The following DTWD2 variants were observed in gnomAD, a reference collection of about 807,000 sequenced individuals.
DTWD2 encodes the protein tRNA-uridine aminocarboxypropyltransferase 2.
In DTWD2, 39 loss-of-function variants were observed where a neutral mutation model predicts 31.8. The observed-to-expected ratio is 1.22, with a 90% confidence interval of 0.95 to 1.60. The LOEUF is 1.60. DTWD2 is among the 40% of genes most tolerant of loss of function. The pLI is 0.00. For synonymous variants in DTWD2, 180 were observed against 142.8 expected, an observed-to-expected ratio of 1.26 and a Z score of -1.86; for missense variants, 515 against 381.5, an observed-to-expected ratio of 1.35 and a Z score of -2.92.
intron 4 of DTWD2, among the ~76,000 whole-genome samples, chr5:118,925,616 C>T (rs970422444): frequency 4.0e-5 from 6 of 151,598 alleles, no homozygotes; most frequent in East Asian, 2.0e-4. Flanking sequence ...GAGGCCGAGG[C>T]GGGTGGATCA....
Position 118,859,275 on chromosome 5 carries a change from A to T in DTWD2, c.598-11057T>A, listed in dbSNP as rs115641107. Among the ~76,000 whole-genome samples, 975 of 152,258 alleles carry T rather than the reference A, an allele frequency of 6.4e-3. 19 individuals carry two copies. The highest frequency in any genetic ancestry group is 0.022 in the African/African-American group (925 of 41,566). On this transcript the variant is annotated intron_variant, in intron 4 of 5. Transcript: ENST00000510708. ...ACAGTTTCTGTAGAAAAGGCAGGAT[A>T]AATAAAGAGAAAGAATCACATATTC...
intron 1 of DTWD2, among the ~76,000 whole-genome samples, chr5:118,951,025 G>A (rs1031829495): frequency 3.3e-5 from 5 of 152,080 alleles, no homozygotes; most frequent in African/African-American, 7.2e-5. Context: ...AACAAGCCAC[G>A]GACTGGGCTG....
At chr5:118,884,651 C>T (rs1266820211) in intron 4 of DTWD2, among the ~76,000 whole-genome samples, 2 of 152,120 alleles carry the variant, frequency 1.3e-5, no homozygotes, top group African/African-American at 2.4e-5. Flanking sequence ...ATTATTTCTT[C>T]AAATATCCTC....
At chr5:118,961,089 G>A (rs200933991) in intron 1 of DTWD2, among the ~76,000 whole-genome samples, 1 of 137,258 alleles carries the variant, frequency 7.3e-6, no homozygotes, top group East Asian at 2.3e-4. Context: ...AAAAAAAAAA[G>A]TTTTAGTGAG....
intron 1 of DTWD2, among the ~76,000 whole-genome samples, chr5:118,976,229 G>A (rs1441803679): frequency 1.3e-5 from 2 of 152,176 alleles, no homozygotes; most frequent in African/African-American, 4.8e-5. Context: ...ATGCCCACAG[G>A]AGAAAGTGGG....
intron 4 of DTWD2, among the ~76,000 whole-genome samples, chr5:118,907,624 G>C (rs563017963): frequency 1.3e-4 from 20 of 152,154 alleles, no homozygotes; most frequent in African/African-American, 4.6e-4. Context: ...CCAGCTACTC[G>C]GGAGGCTAAG....
At chr5:118,904,024 G>A (rs1753272372) in intron 4 of DTWD2, among the ~76,000 whole-genome samples, 2 of 151,960 alleles carry the variant, frequency 1.3e-5, no homozygotes, top group South Asian at 4.1e-4. Context: ...TATAGTGTCT[G>A]TACTAAATTT....
rs1444284357 is a variant in DTWD2 at position 118,974,532 on chromosome 5, C to A, written c.218+13762G>T. On this transcript the variant is annotated intron_variant, in intron 1 of 5. Transcript: ENST00000510708. ...GTGGTGTGACCATGTTCATTATAAT[C>A]TCAAAGGAGAAAAAAAACCTTGTAA... The A allele has an allele frequency of 6.4e-6, 3 of 468,588 alleles. No individual in the cohort carries two copies. In the Admixed American group the frequency reaches 8.3e-5, roughly 13 times the overall value. 29.0% of individuals were successfully genotyped at this position (468,588 alleles called of 1,614,324 possible).
At chr5:118,848,490 AG>A (rs1401720769) in intron 4 of DTWD2, among the ~76,000 whole-genome samples, 1 of 152,216 alleles carries the variant, frequency 6.6e-6, no homozygotes, top group Non-Finnish European at 1.5e-5. Context: ...ACTTCACAAA[AG>A]AAGTTATAAG....
At chr5:118,965,055 C>T (rs1344459560) in intron 1 of DTWD2, among the ~76,000 whole-genome samples, 1 of 151,762 alleles carries the variant, frequency 6.6e-6, no homozygotes, top group African/African-American at 2.4e-5. Flanking sequence ...CCCCGCCGCC[C>T]CGTCTGGGAT....
rs908199220 is a variant in DTWD2 at position 118,836,348 on chromosome 5, T to C, written c.*4569A>G. ...TCTGCCTCCCAGGTTCAAGCAATTCTCTGCCTCAGCCTCCTGAGTAGCTGG... is the reference window on the plus strand; with the variant it reads ...TCTGCCTCCCAGGTTCAAGCAATTCCCTGCCTCAGCCTCCTGAGTAGCTGG... On this transcript the variant is annotated 3_prime_UTR_variant, in exon 6 of 6. Transcript: ENST00000510708. Among the ~76,000 whole-genome samples, 46 of 152,146 alleles carry C rather than the reference T, an allele frequency of 3.0e-4. No homozygotes were observed. Among genetic ancestry groups the C allele is most frequent in the African/African-American group, 9.9e-4 (41 of 41,526 alleles).
intron 4 of DTWD2, among the ~76,000 whole-genome samples, chr5:118,911,162 C>T (rs902636967): frequency 2.6e-5 from 4 of 152,184 alleles, no homozygotes; most frequent in African/African-American, 4.8e-5. Flanking sequence ...ATGACCTAAA[C>T]AGACATTTCT....
At chr5:118,862,512 G>A (rs1044880104) in intron 4 of DTWD2, among the ~76,000 whole-genome samples, 1 of 152,044 alleles carries the variant, frequency 6.6e-6, no homozygotes, top group African/African-American at 2.4e-5. Flanking sequence ...GGTCTTTAGT[G>A]TGATTTAAAA....
At chr5:118,912,022 C>G (rs1238321153) in intron 4 of DTWD2, among the ~76,000 whole-genome samples, 2 of 152,206 alleles carry the variant, frequency 1.3e-5, no homozygotes, top group Non-Finnish European at 2.9e-5. Context: ...TCACACCAAG[C>G]CATCTTCAGC....
At chr5:118,936,654 TA>T (rs895985508) in intron 3 of DTWD2, among the ~76,000 whole-genome samples, 46 of 152,066 alleles carry the variant, frequency 3.0e-4, no homozygotes, top group African/African-American at 1.1e-3. Context: ...ATTTTTTTTT[TA>T]AATTTATGCT....
chr5:118,848,387 T>C (rs1751911337), intron 4 of DTWD2, among the ~76,000 whole-genome samples, 169 bp from the exon 5 acceptor site: 1 of 152,144 alleles, frequency 6.6e-6, no homozygotes, highest in South Asian at 2.1e-4. Flanking sequence ...TGTTAAATAG[T>C]AGAAGATAGC....
At chr5:118,842,261 T>C (rs1386455064) in intron 5 of DTWD2, among the ~76,000 whole-genome samples, 3 of 152,186 alleles carry the variant, frequency 2.0e-5, no homozygotes, top group Admixed American at 6.5e-5. Context: ...TAGCAATGTG[T>C]CCAGCTACTA....
intron 1 of DTWD2, among the ~76,000 whole-genome samples, chr5:118,975,083 T>G (rs1007745627): frequency 4.6e-5 from 7 of 152,242 alleles, no homozygotes; most frequent in East Asian, 3.8e-4. Flanking sequence ...CTTGCTAGGT[T>G]GGGGAAGTTC....
At chr5:118,868,008 T>C (rs368864873) in intron 4 of DTWD2, among the ~76,000 whole-genome samples, 2 of 152,180 alleles carry the variant, frequency 1.3e-5, no homozygotes, top group East Asian at 1.9e-4. Flanking sequence ...TCCCATACTT[T>C]CTGATTTCAC....
Sources: gnomAD v4.1 joint callset for allele counts (sites outside exome capture counted in the v4.1 genomes callset) on GRCh38, gnomAD v4.1.1 for gene constraint, MANE v1.5 for transcripts, NCBI Gene and HGNC (gene_info 2026-07-23, HGNC 2026-07-21) for gene names.